UBE2Q2: variants seen among roughly 807,000 people sequenced by gnomAD.
UBE2Q2 encodes the protein ubiquitin-conjugating enzyme E2 Q2.
Under a neutral mutation model 59.9 loss-of-function variants are expected in UBE2Q2, and 54 were observed. The observed-to-expected ratio is 0.90, with a 90% CI of 0.72 to 1.13. The LOEUF is 1.13. Among genes scored for constraint, UBE2Q2 ranks in the 50% most tolerant of loss-of-function variants. The pLI, the probability that UBE2Q2 is intolerant of heterozygous loss-of-function variation, is 0.00. For synonymous variants in UBE2Q2, 165 were observed against 155.2 expected, an observed-to-expected ratio of 1.06 and a Z score of -0.47; for missense variants, 433 against 441.9, an observed-to-expected ratio of 0.98 and a Z score of 0.18.
intron 9 of UBE2Q2, among the ~76,000 whole-genome samples, chr15:75,886,060 A>G (rs940523059): frequency 3.3e-5 from 5 of 152,122 alleles, no homozygotes; most frequent in African/African-American, 2.4e-5. Flanking sequence ...TCATAGTTTA[A>G]TGTTAAAATA....
chr15:75,847,108 A>G (rs1402071402), intron 1 of UBE2Q2, among the ~76,000 whole-genome samples: 1 of 151,682 alleles, frequency 6.6e-6, no homozygotes, highest in East Asian at 1.9e-4. Context: ...AAGCCTTTAA[A>G]TTTTTCTTTT....
chr15:75,844,512 C>T (rs760893236), intron 1 of UBE2Q2: 3 of 1,549,504 alleles, frequency 1.9e-6, no homozygotes, highest in Non-Finnish European at 8.7e-7. Context: ...ATTCGTGTGG[C>T]CCCTCCCTTG....
In UBE2Q2 at chr15:75,873,534, A is replaced by G; in HGVS notation, c.554A>G (p.Lys185Arg). ...AAAGAAAATTTGGCAATATTAGAGA[A>G]AATTAGGAAGACTCAAAGGCAAGAC... is the stretch of plus-strand genomic sequence containing the variant. ...IEKENLAILEKIRKTQRQDHL... is the reference protein window; with the variant it reads ...IEKENLAILERIRKTQRQDHL... The change falls in exon 5 of 13, where the codon AAA becomes AGA. Residue 185 changes from lysine to arginine, a missense_variant. Coordinates refer to ENST00000267938, the MANE Select transcript of UBE2Q2 (RefSeq NM_173469.4). 1 of 1,613,910 alleles carries G rather than the reference A, an allele frequency of 6.2e-7. No homozygotes were observed. The highest frequency in any genetic ancestry group is 8.5e-7 in the Non-Finnish European group (1 of 1,179,912).
intron 8 of UBE2Q2, among the ~76,000 whole-genome samples, chr15:75,882,170 T>C (rs1324628026): frequency 6.6e-6 from 1 of 152,232 alleles, no homozygotes; most frequent in Non-Finnish European, 1.5e-5. Context: ...AGCCATTTGG[T>C]GATGTAGTCT....
At chr15:75,893,407 G>T (rs891887274) in intron 11 of UBE2Q2, among the ~76,000 whole-genome samples, 1 of 152,130 alleles carries the variant, frequency 6.6e-6, no homozygotes, top group Non-Finnish European at 1.5e-5. Context: ...AGCAATTTTT[G>T]TATTTTATGT....
chr15:75,874,858 A>G (rs543116326), intron 5 of UBE2Q2, among the ~76,000 whole-genome samples: 3 of 152,228 alleles, frequency 2.0e-5, no homozygotes, highest in Non-Finnish European at 2.9e-5. Flanking sequence ...TCTGAGTAGC[A>G]GTTACTTTGT....
intron 11 of UBE2Q2, among the ~76,000 whole-genome samples, chr15:75,891,692 C>T (rs1899117533): frequency 6.6e-6 from 1 of 152,140 alleles, no homozygotes; most frequent in Non-Finnish European, 1.5e-5. Flanking sequence ...TGAGAGCAAG[C>T]CATGGGACAT....
chr15:75,874,678 C>T (rs1382689828), intron 5 of UBE2Q2, among the ~76,000 whole-genome samples: 1 of 152,154 alleles, frequency 6.6e-6, no homozygotes, highest in Non-Finnish European at 1.5e-5. Flanking sequence ...CTTTCCTCAG[C>T]TCTAAAATAT....
chr15:75,899,714 T>C lies in UBE2Q2; in HGVS notation c.*256T>C. ...AAATACACATACTGGCCACTCCTTA[T>C]CTCTTTTTCTTGAAAAGTGAACTTT... On this transcript the variant is annotated 3_prime_UTR_variant, in exon 13 of 13. Coordinates refer to ENST00000267938, the MANE Select transcript of UBE2Q2 (RefSeq NM_173469.4). 8.2e-6 allele frequency: 2 copies of C among 244,134 alleles called. No individual in the cohort carries two copies. Among genetic ancestry groups the C allele is most frequent in the Non-Finnish European group, 1.6e-5 (2 of 127,662 alleles). 15.1% of individuals were successfully genotyped at this position (244,134 alleles called of 1,614,324 possible).
chr15:75,898,923 T>A (rs1899589868), intron 12 of UBE2Q2, among the ~76,000 whole-genome samples: 1 of 152,156 alleles, frequency 6.6e-6, no homozygotes, highest in South Asian at 2.1e-4. Context: ...CTTTCTGTTG[T>A]GAAATAGCAA....
intron 1 of UBE2Q2, chr15:75,844,152 G>T: frequency 7.0e-7 from 1 of 1,427,632 alleles, no homozygotes; most frequent in Non-Finnish European, 9.1e-7. Flanking sequence ...GCCCTTGTGG[G>T]GTCCATGGCC....
intron 1 of UBE2Q2, among the ~76,000 whole-genome samples, chr15:75,848,093 A>G (rs759277663): frequency 1.3e-4 from 20 of 152,272 alleles, no homozygotes; most frequent in Middle Eastern, 3.4e-3. Context: ...CACTTCTTTT[A>G]CTGTGTTTCT....
At chr15:75,860,441 AC>A (rs1481794690) in intron 3 of UBE2Q2, among the ~76,000 whole-genome samples, 1 of 147,850 alleles carries the variant, frequency 6.8e-6, no homozygotes, top group African/African-American at 2.7e-5. Flanking sequence ...AATATTTATT[AC>A]CTATTTATTT....
chr15:75,883,381 G>A lies in UBE2Q2; in HGVS notation c.841G>A (p.Asp281Asn). 4 of 1,613,134 alleles carry A rather than the reference G, an allele frequency of 2.5e-6. No homozygotes were observed. The highest frequency in any genetic ancestry group is 3.4e-6 in the Non-Finnish European group (4 of 1,179,468). Residue 281 changes from aspartate (D) to asparagine (N), a missense_variant, in exon 9 of 13, where the codon GAT becomes AAT. By Grantham distance (23) the Asp-to-Asn change is conservative. Coordinates refer to ENST00000267938, the MANE Select transcript of UBE2Q2 (RefSeq NM_173469.4). ...TGCTTTTTAGGATAACTTTCCATTT[G>A]ATCCTCCATTTGTTCGAGTGGTGTT... is the stretch of plus-strand genomic sequence containing the variant. ...NFSFKDNFPFDPPFVRVVLPV... is the reference protein window; with the variant it reads ...NFSFKDNFPFNPPFVRVVLPV...
intron 12 of UBE2Q2, 29 bp from the exon 13 acceptor site, chr15:75,899,398 T>G: frequency 3.2e-6 from 5 of 1,541,716 alleles, no homozygotes; most frequent in Non-Finnish European, 3.5e-6. Flanking sequence ...AAGAATTATT[T>G]TAACTTTTTT....
At chr15:75,880,469 GA>G (rs1263497797) in intron 8 of UBE2Q2, among the ~76,000 whole-genome samples, 2 of 149,404 alleles carry the variant, frequency 1.3e-5, no homozygotes, top group Non-Finnish European at 3.0e-5. Flanking sequence ...ATGGAATCTA[GA>G]AAAAATGTTA....
intron 6 of UBE2Q2, 143 bp from the exon 7 acceptor site, chr15:75,877,818 A>G: frequency 1.7e-6 from 1 of 572,010 alleles, no homozygotes; most frequent in Non-Finnish European, 3.1e-6. Context: ...GCAGTAGTGT[A>G]ATATTTACTA....
At chr15:75,854,100 G>A (rs1896779104) in intron 1 of UBE2Q2, among the ~76,000 whole-genome samples, 1 of 152,172 alleles carries the variant, frequency 6.6e-6, no homozygotes. Flanking sequence ...AATTTTACAA[G>A]GGTGTGAATG....
chr15:75,883,597 C>T (rs1898577719), intron 9 of UBE2Q2, among the ~76,000 whole-genome samples, 173 bp downstream of exon 9: 1 of 151,834 alleles, frequency 6.6e-6, no homozygotes, highest in Admixed American at 6.6e-5. Flanking sequence ...GCCACTGTGC[C>T]TGGCCTGCAT....
Sources: gnomAD v4.1 joint callset for allele counts (sites outside exome capture counted in the v4.1 genomes callset) on GRCh38, gnomAD v4.1.1 for gene constraint, MANE v1.5 for transcripts, NCBI Gene and HGNC (gene_info 2026-07-23, HGNC 2026-07-21) for gene names.